The following NEDD9 variants were observed in gnomAD, a reference collection of about 807,000 sequenced individuals.
NEDD9 encodes enhancer of filamentation 1.
A neutral mutation model predicts 76.6 loss-of-function variants in NEDD9; 26 were observed. The observed-to-expected ratio is 0.34, with a 90% confidence interval of 0.25 to 0.47. The LOEUF (loss-of-function observed/expected upper bound fraction) is 0.47, where lower values mean the gene tolerates loss of function less well. Ranked by LOEUF, NEDD9 falls within the 20% of genes least tolerant of loss-of-function variation. NEDD9 has a pLI of 1.00. For synonymous variants in NEDD9, 392 were observed against 414.2 expected, an observed-to-expected ratio of 0.95 and a Z score of 0.65; for missense variants, 937 against 1,058.5, an observed-to-expected ratio of 0.89 and a Z score of 1.59.
intron 1 of NEDD9, among the ~76,000 whole-genome samples, chr6:11,214,044 A>G (rs1471613049): frequency 6.6e-6 from 1 of 152,246 alleles, no homozygotes; most frequent in African/African-American, 2.4e-5. Flanking sequence ...TTCACTATAC[A>G]AAACATTTTT....
chr6:11,274,443 T>A (rs1294800619), intron 3 of NEDD9, among the ~76,000 whole-genome samples: 1 of 152,190 alleles, frequency 6.6e-6, no homozygotes, highest in Non-Finnish European at 1.5e-5. Flanking sequence ...ATGCTGTAGA[T>A]CAACCTTGGT....
At chr6:11,372,972 G>C (rs1762905648) in intron 1 of NEDD9, among the ~76,000 whole-genome samples, 1 of 151,906 alleles carries the variant, frequency 6.6e-6, no homozygotes, top group Non-Finnish European at 1.5e-5. Flanking sequence ...TTTAATGCTT[G>C]TCTTTGCTTC....
At chr6:11,258,582 G>C (rs1436304639) in intron 3 of NEDD9, 1 of 151,642 alleles carries the variant, frequency 6.6e-6, no homozygotes, top group African/African-American at 2.4e-5. Context: ...CCTGTAATCT[G>C]AACTACAGGT....
intron 2 of NEDD9, among the ~76,000 whole-genome samples, chr6:11,310,106 T>C (rs1292910883): frequency 1.3e-5 from 2 of 152,090 alleles, no homozygotes; most frequent in Non-Finnish European, 2.9e-5. Flanking sequence ...TGAGCACAAA[T>C]TGCTGAATTG....
chr6:11,186,588 T>A (rs1464454244), intron 6 of NEDD9, among the ~76,000 whole-genome samples: 1 of 152,192 alleles, frequency 6.6e-6, no homozygotes, highest in Non-Finnish European at 1.5e-5. Context: ...CTTCCCCAGC[T>A]TCTCTGAGAG....
rs1472005309 is a variant in NEDD9, at chr6:11,184,608, G to C, written c.*554C>G. The C allele has an allele frequency of 6.5e-6, 1 of 153,426 alleles. No homozygotes were observed. The highest frequency in any genetic ancestry group is 1.5e-5 in the Non-Finnish European group (1 of 68,698). 9.5% of individuals were successfully genotyped at this position (153,426 alleles called of 1,614,324 possible). A position where few individuals can be genotyped will look rare whatever the true frequency, so the allele number is the denominator to read the frequency against. On this transcript the variant is annotated 3_prime_UTR_variant, in exon 7 of 7. Coordinates refer to ENST00000379446, the MANE Select transcript of NEDD9 (RefSeq NM_006403.4). ...GGGCACTTGGCCATCATGTGTTTAA[G>C]ATGGTCAGTTTTGAAAAGAGTTTTC...
chr6:11,244,945 T>C (rs986429563), intron 3 of NEDD9, among the ~76,000 whole-genome samples: 24 of 152,254 alleles, frequency 1.6e-4, no homozygotes, highest in Admixed American at 4.6e-4. Context: ...ACTAACCTAG[T>C]ATAAGTTAGA....
At chr6:11,351,684 C>T (rs887883852) in intron 1 of NEDD9, among the ~76,000 whole-genome samples, 6 of 152,220 alleles carry the variant, frequency 3.9e-5, no homozygotes, top group East Asian at 1.9e-4. Context: ...CCGCTTTGCT[C>T]GGTCATGCCT....
chr6:11,327,110 C>T (rs1231479396), intron 2 of NEDD9, among the ~76,000 whole-genome samples: 1 of 152,216 alleles, frequency 6.6e-6, no homozygotes, highest in African/African-American at 2.4e-5. Context: ...AGGGACTGTA[C>T]TGGTGTGGCA....
intron 3 of NEDD9, among the ~76,000 whole-genome samples, chr6:11,282,498 A>G (rs981699435): frequency 2.6e-5 from 4 of 152,180 alleles, no homozygotes; most frequent in Non-Finnish European, 4.4e-5. Context: ...CCTGCTCAAC[A>G]TGAACCCTGG....
At chr6:11,284,189 T>C (rs1323750899) in intron 3 of NEDD9, among the ~76,000 whole-genome samples, 1 of 152,090 alleles carries the variant, frequency 6.6e-6, no homozygotes, top group African/African-American at 2.4e-5. Flanking sequence ...TAGAGATGTC[T>C]GACATAGCAT....
At chr6:11,347,533 G>T (rs1276295252) in intron 1 of NEDD9, among the ~76,000 whole-genome samples, 3 of 152,136 alleles carry the variant, frequency 2.0e-5, no homozygotes, top group Non-Finnish European at 2.9e-5. Flanking sequence ...GATGAACATT[G>T]ATGCATAAGC....
intron 1 of NEDD9, among the ~76,000 whole-genome samples, chr6:11,219,808 G>A (rs1419680417): frequency 6.6e-6 from 1 of 152,218 alleles, no homozygotes. Flanking sequence ...TGGGATAGAG[G>A]GGGATGTGGG....
intron 3 of NEDD9, among the ~76,000 whole-genome samples, chr6:11,293,467 C>T (rs914838858): frequency 4.6e-5 from 7 of 151,944 alleles, no homozygotes; most frequent in Admixed American, 2.0e-4. Context: ...GTTTTCTATC[C>T]CCCCCTCTCA....
At chr6:11,280,740 C>T (rs1760520428) in intron 3 of NEDD9, among the ~76,000 whole-genome samples, 1 of 152,238 alleles carries the variant, frequency 6.6e-6, no homozygotes, top group African/African-American at 2.4e-5. Flanking sequence ...CGCTTGGAGC[C>T]CTCTTCTGCC....
intron 1 of NEDD9, among the ~76,000 whole-genome samples, chr6:11,218,517 A>G (rs1411739366): frequency 6.6e-6 from 1 of 152,020 alleles, no homozygotes; most frequent in Non-Finnish European, 1.5e-5. Context: ...TACAACTTGG[A>G]TTGCCCTGTT....
At chr6:11,215,715 G>A (rs902133555) in intron 1 of NEDD9, among the ~76,000 whole-genome samples, 2 of 152,150 alleles carry the variant, frequency 1.3e-5, no homozygotes, top group African/African-American at 4.8e-5. Context: ...TTCAGCAATC[G>A]GGAAGCCCCC....
intron 3 of NEDD9, among the ~76,000 whole-genome samples, chr6:11,288,142 G>A (rs1294409371): frequency 2.6e-5 from 4 of 152,178 alleles, no homozygotes; most frequent in Non-Finnish European, 5.9e-5. Context: ...CTTTATATGT[G>A]GCTCAGTCAA....
chr6:11,207,434 A>T (rs1758646374), intron 2 of NEDD9: 2 of 152,154 alleles, frequency 1.3e-5, no homozygotes, highest in South Asian at 4.1e-4. Flanking sequence ...TAGCTAATCT[A>T]TTTCTGTTTC....
Sources: allele counts gnomAD v4.1 joint callset (sites outside exome capture counted in the v4.1 genomes callset), GRCh38; gene constraint gnomAD v4.1.1; transcripts MANE v1.5; gene names NCBI Gene and HGNC (gene_info 2026-07-23, HGNC 2026-07-21).